PSMD7: variants seen among roughly 807,000 people sequenced by gnomAD.
PSMD7 encodes 26S proteasome non-ATPase regulatory subunit 7.
A neutral mutation model predicts 36.4 loss-of-function variants in PSMD7; 13 were observed. The observed-to-expected ratio is 0.36, with a 90% confidence interval of 0.23 to 0.57. The LOEUF is 0.57. Ranked by LOEUF, PSMD7 falls within the 20% of genes least tolerant of loss-of-function variation. PSMD7 has a pLI of 0.83. For synonymous variants in PSMD7, 186 were observed against 151.0 expected (o/e 1.23, Z -1.70); for missense variants, 298 against 393.6 (o/e 0.76, Z 2.06).
At chr16:74,298,360 G>C (rs2034130195) in intron 1 of PSMD7, among the ~76,000 whole-genome samples, 1 of 152,152 alleles carries the variant, frequency 6.6e-6, no homozygotes, top group Non-Finnish European at 1.5e-5. Context: ...CAAATGTAAA[G>C]ACCCAGTTCA....
intron 4 of PSMD7, 27 bp downstream of exon 4, chr16:74,301,679 T>C (rs1567525829): frequency 6.3e-7 from 1 of 1,578,062 alleles, no homozygotes; most frequent in Admixed American, 1.7e-5. Context: ...TTTAAAACTC[T>C]TGAATGATTT....
In PSMD7 at chr16:74,301,538, AT is replaced by A. The variant is rs1169547439; in HGVS notation, c.260-10del. The A allele has an allele frequency of 6.4e-7, 1 of 1,572,152 alleles. No individual in the cohort carries two copies. The highest frequency in any genetic ancestry group is 8.7e-7 in the Non-Finnish European group (1 of 1,143,690). ...TTCATGAAATAGTTAAAGCCTGCTA[AT>A]TTTTTTCCTTCCTAGCCAGGGAAAG... On this transcript the variant is annotated splice_polypyrimidine_tract_variant and intron_variant, in intron 3 of 6. Coordinates refer to ENST00000219313, the MANE Select transcript of PSMD7 (RefSeq NM_002811.5).
intron 2 of PSMD7, 147 bp from the exon 3 acceptor site, chr16:74,300,905 T>G (rs955772957): frequency 3.7e-5 from 17 of 465,332 alleles, no homozygotes; most frequent in East Asian, 2.1e-4. Flanking sequence ...TCCCAGTTTT[T>G]GGGGCAGCTC....
rs541071308 is a variant in PSMD7, at chr16:74,302,238, G to A, written c.384G>A (p.Pro128=). 66 of 1,614,026 alleles carry A rather than the reference G, an allele frequency of 4.1e-5. No individual in the cohort carries two copies. The Admixed American group carries it at 5.2e-4, about 13-fold the overall frequency. Reference sequence around the variant, plus strand: ...TATTGGTCATCATTGATGTGAAGCCGAAGGACCTAGGGCTGCCTACAGAAG... The same window carrying A: ...TATTGGTCATCATTGATGTGAAGCCAAAGGACCTAGGGCTGCCTACAGAAG... ...NSVLVIIDVK[P]KDLGLPTEAY... Residue 128 remains proline (P), a synonymous_variant, in exon 5 of 7, where the codon CCG becomes CCA. Transcript: ENST00000219313.
rs1000684672 is a variant in PSMD7, at chr16:74,297,108, T to C, written c.74+120T>C. On this transcript the variant is annotated intron_variant, in intron 1 of 6. Transcript: ENST00000219313. ...CGCAGATAGGGCGGCTGGTGACCCT[T>C]ACTTGTTCACGAGTCCAGACCAGCG... The C allele has an allele frequency of 2.7e-5, 29 of 1,092,184 alleles. 1 individual carries two copies. The highest frequency in any genetic ancestry group is 6.1e-5 in the Admixed American group (3 of 48,860). The allele number at this position is 1,092,184 out of a possible 1,614,324, so 67.7% of individuals were successfully genotyped here.
chr16:74,304,484 G>A (rs1412764601), intron 6 of PSMD7, 90 bp downstream of exon 6: 2 of 1,168,160 alleles, frequency 1.7e-6, no homozygotes, highest in Non-Finnish European at 2.5e-6. Context: ...ATGGAGACCT[G>A]GGGTCTCGTC....
Position 74,302,210 on chromosome 16 carries a change from A to G in PSMD7, c.358-2A>G. 1.9e-6 allele frequency: 3 copies of G among 1,613,358 alleles called. No individual in the cohort carries two copies. Among genetic ancestry groups the G allele is most frequent in the Non-Finnish European group, 1.7e-6 (2 of 1,179,676 alleles). ...ACTTGCTAAGATGTGTTTCTCTGCC[A>G]GGTATTGGTCATCATTGATGTGAAG... On this transcript the variant is annotated splice_acceptor_variant, in intron 4 of 6. Transcript: ENST00000219313. LOFTEE classifies it high-confidence loss of function.
chr16:74,300,141 GTGT>G lies in PSMD7; in HGVS notation c.107_109del (p.Val36del). 6.2e-7 allele frequency: 1 copy of G among 1,614,170 alleles called. No homozygotes were observed. Among genetic ancestry groups the G allele is most frequent in the Non-Finnish European group, 8.5e-7 (1 of 1,180,032 alleles). On this transcript the variant is annotated inframe_deletion, in exon 2 of 7. Transcript: ENST00000219313. ...ATCGGCAAGGTTGGAAACCAGAAGC[GTGT>G]TGTTGGTGTGCTTTTGGGGTCATGG...
rs2034145775 is a variant in PSMD7 at position 74,300,283 on chromosome 16, C to A, written c.166+77C>A. The A allele has an allele frequency of 2.3e-6, 3 of 1,284,750 alleles. No individual in the cohort carries two copies. In the African/African-American group the frequency reaches 4.5e-5, roughly 19 times the overall value. 79.6% of individuals were successfully genotyped at this position (1,284,750 alleles called of 1,614,324 possible). On this transcript the variant is annotated intron_variant, in intron 2 of 6. Transcript: ENST00000219313. ...CCTTTAAAAATATAAACCTTTGTTA[C>A]CGCTTTTGACTACAACCCAGAGATT...
At chr16:74,301,018 A>G (rs369328599) in intron 2 of PSMD7, 34 bp from the exon 3 acceptor site, 5 of 1,369,272 alleles carry the variant, frequency 3.7e-6, no homozygotes, top group Non-Finnish European at 5.2e-6. Flanking sequence ...GTTTCTATCA[A>G]GCACCCTAAA....
intron 5 of PSMD7, 37 bp from the exon 6 acceptor site, chr16:74,304,266 G>T: frequency 1.3e-6 from 2 of 1,583,664 alleles, no homozygotes; most frequent in Non-Finnish European, 1.7e-6. Context: ...GTTCGTTTGT[G>T]GAAAATAAAT....
chr16:74,305,371 C>T lies in PSMD7; in HGVS notation c.613C>T (p.Leu205Phe). 1 of 1,614,202 alleles carries T rather than the reference C, an allele frequency of 6.2e-7. No homozygotes were observed. The highest frequency in any genetic ancestry group is 8.5e-7 in the Non-Finnish European group (1 of 1,180,038). Residue 205 changes from leucine to phenylalanine, a missense_variant, in exon 7 of 7, where the codon CTT (leucine) becomes TTT (phenylalanine). Coordinates refer to ENST00000219313, the MANE Select transcript of PSMD7 (RefSeq NM_002811.5). Reference sequence around the variant, plus strand: ...TGGTTTGAAGGGACTGAACTCCAAGCTTCTGGATATCAGGAGCTACCTGGA... The same window carrying T: ...TGGTTTGAAGGGACTGAACTCCAAGTTTCTGGATATCAGGAGCTACCTGGA... ...VHGLKGLNSK[L>F]LDIRSYLEKV...
At chr16:74,304,478 A>T in intron 6 of PSMD7, 84 bp downstream of exon 6, 1 of 1,258,842 alleles carries the variant, frequency 7.9e-7, no homozygotes, top group African/African-American at 1.5e-5. Context: ...GGGAATATGG[A>T]GACCTGGGGT....
In PSMD7 at chr16:74,305,685, TAAGGAA is replaced by T; in HGVS notation, c.931_936del (p.Glu311_Lys312del). On this transcript the variant is annotated inframe_deletion, in exon 7 of 7. Coordinates refer to ENST00000219313, the MANE Select transcript of PSMD7 (RefSeq NM_002811.5). ...AAGAGGACAAGGAGAAAGATAAAGA[TAAGGAA>T]AAGAGTGATGTAAAGAAAGAGGAGA... 1 of 1,495,040 alleles carries T rather than the reference TAAGGAA, an allele frequency of 6.7e-7. No individual in the cohort carries two copies. Among genetic ancestry groups the T allele is most frequent in the Non-Finnish European group, 8.9e-7 (1 of 1,119,054 alleles). 92.6% of individuals were successfully genotyped at this position (1,495,040 alleles called of 1,614,324 possible).
chr16:74,298,638 G>A (rs767627976), intron 1 of PSMD7, among the ~76,000 whole-genome samples: 4 of 152,106 alleles, frequency 2.6e-5, no homozygotes, highest in Non-Finnish European at 5.9e-5. Context: ...CGAGGTGGGC[G>A]GATTGCTTGA....
Position 74,305,852 on chromosome 16 carries a change from C to G in PSMD7, c.*119C>G. 2.6e-6 allele frequency: 3 copies of G among 1,173,484 alleles called. No individual in the cohort carries two copies. The highest frequency in any genetic ancestry group is 3.3e-6 in the Non-Finnish European group (3 of 896,326). 72.7% of individuals were successfully genotyped at this position (1,173,484 alleles called of 1,614,324 possible). On this transcript the variant is annotated 3_prime_UTR_variant, in exon 7 of 7. Coordinates refer to ENST00000219313, the MANE Select transcript of PSMD7 (RefSeq NM_002811.5). ...TATTAGAAAGCTGACCCAACAAGAGCTCTCTGCCTCCGGTCACTCTTGCTG... is the reference window on the plus strand; with the variant it reads ...TATTAGAAAGCTGACCCAACAAGAGGTCTCTGCCTCCGGTCACTCTTGCTG...
At chr16:74,297,069 G>A in intron 1 of PSMD7, 81 bp downstream of exon 1, 5 of 1,451,254 alleles carry the variant, frequency 3.4e-6, no homozygotes, top group Non-Finnish European at 3.8e-6. Flanking sequence ...CGGCGGCCGC[G>A]GACGAGCTGG....
At chr16:74,297,821 A>G (rs2034125559) in intron 1 of PSMD7, among the ~76,000 whole-genome samples, 1 of 152,104 alleles carries the variant, frequency 6.6e-6, no homozygotes. Flanking sequence ...CCAGGGTCGT[A>G]TCTATGTTTG....
Position 74,305,640 on chromosome 16 carries a change from A to G in PSMD7, c.882A>G (p.Glu294=). Residue 294 remains glutamate (E), a synonymous_variant, in exon 7 of 7, where the codon GAA becomes GAG. Coordinates refer to ENST00000219313, the MANE Select transcript of PSMD7 (RefSeq NM_002811.5). ...AGAAGAAAGAAGGGCAGGAGAAAGAAGAGAGCAAAAAGGATAGGAAAGAGG... is the reference window on the plus strand; with the variant it reads ...AGAAGAAAGAAGGGCAGGAGAAAGAGGAGAGCAAAAAGGATAGGAAAGAGG... ...DAEKKEGQEK[E]ESKKDRKEDK... 6.3e-7 allele frequency: 1 copy of G among 1,583,112 alleles called. No individual in the cohort carries two copies. The highest frequency in any genetic ancestry group is 8.6e-7 in the Non-Finnish European group (1 of 1,159,598).
Sources: gnomAD v4.1 joint callset for allele counts (sites outside exome capture counted in the v4.1 genomes callset) on GRCh38, gnomAD v4.1.1 for gene constraint, MANE v1.5 for transcripts, NCBI Gene and HGNC (gene_info 2026-07-23, HGNC 2026-07-21) for gene names.